XIRP2: variants seen among roughly 807,000 people sequenced by gnomAD.
The protein encoded by XIRP2 is xin actin-binding repeat-containing protein 2.
Under a neutral mutation model 277.0 loss-of-function variants are expected in XIRP2, and 236 were observed. The ratio of observed to expected loss-of-function variants is 0.85; its 90% CI spans 0.77 to 0.95. The LOEUF (loss-of-function observed/expected upper bound fraction) is 0.95, where lower values mean the gene tolerates loss of function less well. Among genes scored for constraint, XIRP2 ranks in the 40% least tolerant of loss-of-function variants. The probability of loss-of-function intolerance (pLI) is 0.00; values close to 1 mark genes in which losing one functional copy is unlikely to be tolerated. For synonymous variants in XIRP2, 1,490 were observed against 1,416.5 expected (o/e 1.05, Z -1.17); for missense variants, 4,640 against 4,157.5 (o/e 1.12, Z -3.19).
chr2:167,183,268 T>C (rs1007669620), intron 3 of XIRP2, among the ~76,000 whole-genome samples: 12 of 152,158 alleles, frequency 7.9e-5, no homozygotes, highest in Non-Finnish European at 2.9e-5. Flanking sequence ...CAAGCTGTAG[T>C]AATGGGGTGG....
At chr2:167,020,420 C>A (rs922787865) in intron 2 of XIRP2, among the ~76,000 whole-genome samples, 1 of 151,986 alleles carries the variant, frequency 6.6e-6, no homozygotes, top group Non-Finnish European at 1.5e-5. Flanking sequence ...CACCACAGAT[C>A]ATTACTTAAT....
At chr2:167,005,220 T>C (rs1687476342) in intron 2 of XIRP2, among the ~76,000 whole-genome samples, 1 of 151,926 alleles carries the variant, frequency 6.6e-6, no homozygotes, top group African/African-American at 2.4e-5. Context: ...CTTTCCATCC[T>C]AAATACACAT....
At chr2:167,055,553 G>T (rs1321974012) in intron 2 of XIRP2, among the ~76,000 whole-genome samples, 1 of 152,142 alleles carries the variant, frequency 6.6e-6, no homozygotes, top group African/African-American at 2.4e-5. Flanking sequence ...TATCAGATGT[G>T]TAGGCCATTC....
At chr2:167,199,623 TA>T (rs1693620689) in intron 3 of XIRP2, among the ~76,000 whole-genome samples, 1 of 152,206 alleles carries the variant, frequency 6.6e-6, no homozygotes, top group Non-Finnish European at 1.5e-5. Context: ...ATAATTGTTT[TA>T]GGGGCACTAG....
intron 1 of XIRP2, among the ~76,000 whole-genome samples, chr2:166,900,278 G>A (rs1414991286): frequency 6.6e-6 from 1 of 151,840 alleles, no homozygotes; most frequent in Non-Finnish European, 1.5e-5. Flanking sequence ...TCCATTCAAT[G>A]AGTTTTTAAA....
rs756514033 is a variant in XIRP2, at chr2:167,242,902, C to A, written c.1510C>A (p.His504Asn). The change falls in exon 9 of 11, where the codon CAC becomes AAC. Residue 504 changes from histidine to asparagine, a missense_variant. Physicochemically the swap from His to Asn is moderately conservative, Grantham distance 68. Coordinates refer to ENST00000409195, the MANE Select transcript of XIRP2 (RefSeq NM_152381.6). The stretch of plus-strand genomic sequence containing the variant: ...GTATGAATTAAACCGTTTATATAAA[C>A]ACATCCATCCTGAGTTAAGAAAAAA... ...NLYELNRLYK[H>N]IHPELRKNLE... The A allele has an allele frequency of 1.2e-6, 2 of 1,613,952 alleles. No individual in the cohort carries two copies. The highest frequency in any genetic ancestry group is 1.7e-6 in the Non-Finnish European group (2 of 1,179,920).
intron 2 of XIRP2, among the ~76,000 whole-genome samples, chr2:167,110,956 G>A (rs1690734814): frequency 6.6e-6 from 1 of 152,062 alleles, no homozygotes; most frequent in African/African-American, 2.4e-5. Flanking sequence ...TTGCATTCCT[G>A]ATTTGGCTCT....
chr2:166,977,749 T>G (rs1511208), intron 2 of XIRP2, among the ~76,000 whole-genome samples: 80,113 of 152,002 alleles, frequency 0.53, 23,180 homozygotes, highest in East Asian at 0.82. Context: ...TAAACCTTGC[T>G]GTTTTTCCAG....
intron 3 of XIRP2, among the ~76,000 whole-genome samples, chr2:167,206,244 A>C (rs570333574): frequency 6.6e-6 from 1 of 152,272 alleles, no homozygotes; most frequent in Non-Finnish European, 1.5e-5. Flanking sequence ...ATCTATGCCC[A>C]AATTTCATTT....
intron 2 of XIRP2, among the ~76,000 whole-genome samples, chr2:166,973,726 A>G (rs1328237729): frequency 6.6e-6 from 1 of 152,218 alleles, no homozygotes; most frequent in Admixed American, 6.5e-5. Context: ...TTTCATTAAC[A>G]TTTGGCAAGT....
intron 2 of XIRP2, among the ~76,000 whole-genome samples, chr2:166,970,073 C>T (rs1366158736): frequency 1.3e-5 from 2 of 151,962 alleles, no homozygotes; most frequent in African/African-American, 2.4e-5. Flanking sequence ...ACAACATGAA[C>T]CAGAATCTTA....
intron 2 of XIRP2, among the ~76,000 whole-genome samples, chr2:167,045,572 G>A (rs1225221426): frequency 6.6e-6 from 1 of 151,784 alleles, no homozygotes; most frequent in Admixed American, 6.6e-5. Flanking sequence ...TAAAAAATGG[G>A]CAAAGGACAT....
Position 167,037,521 on chromosome 2 carries a change from GT to G in XIRP2, c.409-98387del, listed in dbSNP as rs1558957890. 4.8e-3 allele frequency among the ~76,000 whole-genome samples: 532 copies of G among 109,992 alleles called. 3 individuals carry two copies. The highest frequency in any genetic ancestry group is 0.02 in the African/African-American group (491 of 24,332). 72.2% of individuals were successfully genotyped at this position (109,992 alleles called of 152,430 possible). A position where few individuals can be genotyped will look rare whatever the true frequency, so the allele number is the denominator to read the frequency against. On this transcript the variant is annotated intron_variant, in intron 2 of 10. Transcript: ENST00000409195. Reference sequence around the variant, plus strand: ...CTTGAGGTTTTTTCATGTGGGGGGTGTGTGTGTGTGTGTGTGTGTGTGTGTG... The same window carrying G: ...CTTGAGGTTTTTTCATGTGGGGGGTGGTGTGTGTGTGTGTGTGTGTGTGTG...
intron 2 of XIRP2, among the ~76,000 whole-genome samples, chr2:166,956,188 G>A (rs149694595): frequency 1.8e-4 from 27 of 151,926 alleles, no homozygotes; most frequent in East Asian, 3.9e-4. Flanking sequence ...AATAACAAGC[G>A]TGCGTCGATC....
chr2:167,212,457 A>T (rs933017306), intron 4 of XIRP2, among the ~76,000 whole-genome samples: 1 of 152,252 alleles, frequency 6.6e-6, no homozygotes, highest in Non-Finnish European at 1.5e-5. Flanking sequence ...TTAAAAAGGG[A>T]ATGTTTACAT....
chr2:167,140,984 A>G (rs1691700743), intron 3 of XIRP2: 1 of 152,156 alleles, frequency 6.6e-6, no homozygotes, highest in Non-Finnish European at 1.5e-5. Flanking sequence ...TGAAAGGTCT[A>G]TTCATGAGGT....
At chr2:167,054,533 A>C (rs763445709) in intron 2 of XIRP2, among the ~76,000 whole-genome samples, 4 of 152,170 alleles carry the variant, frequency 2.6e-5, no homozygotes, top group Non-Finnish European at 5.9e-5. Context: ...AAAATACAAA[A>C]ATTAGCTGGG....
chr2:167,021,157 T>G (rs948670004), intron 2 of XIRP2, among the ~76,000 whole-genome samples: 2 of 152,120 alleles, frequency 1.3e-5, no homozygotes, highest in Non-Finnish European at 2.9e-5. Flanking sequence ...ATATAATCAT[T>G]TTGGCACCTA....
chr2:167,031,874 C>G (rs565216309), intron 2 of XIRP2, among the ~76,000 whole-genome samples: 9 of 152,140 alleles, frequency 5.9e-5, no homozygotes, highest in African/African-American at 1.9e-4. Flanking sequence ...AATGGCCATA[C>G]TGCCCAAAGT....
Sources: allele counts gnomAD v4.1 joint callset (sites outside exome capture counted in the v4.1 genomes callset), GRCh38; gene constraint gnomAD v4.1.1; transcripts MANE v1.5; gene names NCBI Gene and HGNC (gene_info 2026-07-23, HGNC 2026-07-21).